The following ADGRL4 variants were observed in gnomAD, a reference collection of about 807,000 sequenced individuals.
ADGRL4 encodes the protein adhesion G protein-coupled receptor L4, also known as EGF, latrophilin and seven transmembrane domain containing 1.
A neutral mutation model predicts 74.8 loss-of-function variants in ADGRL4; 90 were observed. The ratio of observed to expected loss-of-function variants is 1.20; its 90% CI spans 1.02 to 1.43. ADGRL4 has a LOEUF of 1.43. Ranked by LOEUF, ADGRL4 falls within the 40% of genes most tolerant of loss-of-function variation. The pLI is 0.00. For synonymous variants in ADGRL4, 311 were observed against 279.2 expected (o/e 1.11, Z -1.14); for missense variants, 881 against 814.3 (o/e 1.08, Z -1.00).
At chr1:78,923,738 G>A (rs1649049574) in intron 8 of ADGRL4, among the ~76,000 whole-genome samples, 2 of 151,664 alleles carry the variant, frequency 1.3e-5, no homozygotes, top group South Asian at 4.2e-4. Context: ...TGAAAATAAA[G>A]TATAAAGTGA....
At chr1:78,996,211 C>T (rs1650710473) in intron 2 of ADGRL4, among the ~76,000 whole-genome samples, 1 of 152,182 alleles carries the variant, frequency 6.6e-6, no homozygotes, top group Admixed American at 6.5e-5. Context: ...TTTCTGGCTG[C>T]ATGGCATCTA....
chr1:78,964,744 A>T (rs1650020470), intron 2 of ADGRL4, among the ~76,000 whole-genome samples: 1 of 152,146 alleles, frequency 6.6e-6, no homozygotes, highest in South Asian at 2.1e-4. Context: ...GGCAAGGATG[A>T]CAGCCAATTT....
At chr1:78,984,392 A>G (rs1378447202) in intron 2 of ADGRL4, among the ~76,000 whole-genome samples, 1 of 151,758 alleles carries the variant, frequency 6.6e-6, no homozygotes, top group Non-Finnish European at 1.5e-5. Context: ...AACTAAAAGG[A>G]AAGAGATGGA....
At chr1:78,921,504 C>T (rs2100672820) in intron 9 of ADGRL4, 109 bp downstream of exon 9, 1 of 579,320 alleles carries the variant, frequency 1.7e-6, no homozygotes, top group Admixed American at 3.9e-5. Flanking sequence ...ACTAAATGTG[C>T]TATCTAAACC....
At chr1:78,958,664 T>A (rs1649881630) in intron 2 of ADGRL4, among the ~76,000 whole-genome samples, 1 of 152,192 alleles carries the variant, frequency 6.6e-6, no homozygotes, top group African/African-American at 2.4e-5. Flanking sequence ...GTGAAATCTA[T>A]TTCTGGTGAA....
Position 78,936,113 on chromosome 1 carries a change from G to A in ADGRL4, c.877+182C>T, listed in dbSNP as rs866815026. 1.8e-3 allele frequency among the ~76,000 whole-genome samples: 26 copies of A among 14,500 alleles called. 6 individuals are homozygous for A. Among genetic ancestry groups the A allele is most frequent in the Middle Eastern group, 0.33 (2 of 6 alleles). 9.5% of individuals were successfully genotyped at this position (14,500 alleles called of 152,430 possible). A position where few individuals can be genotyped will look rare whatever the true frequency, so the allele number is the denominator to read the frequency against. On this transcript the variant is annotated intron_variant, in intron 7 of 14. Transcript: ENST00000370742. ...CACTCCCGCCTGGGCCACAGAGCGA[G>A]ACTCCGTCTCAAAAAAAAAAAAAAA...
Position 78,926,872 on chromosome 1 carries a change from G to C in ADGRL4, c.1083+14C>G, listed in dbSNP as rs372371545. On this transcript the variant is annotated intron_variant, in intron 8 of 14. Transcript: ENST00000370742. ...TCACAATCATAGCCAATAACTACCA[G>C]AAAAACAGCTTACCTTTCGATGACT... 1 of 1,597,452 alleles carries C rather than the reference G, an allele frequency of 6.3e-7. No individual in the cohort carries two copies.
At chr1:78,891,257 A>G (rs768983718) in intron 14 of ADGRL4, 41 bp from the exon 15 acceptor site, 1 of 1,544,574 alleles carries the variant, frequency 6.5e-7, no homozygotes, top group Non-Finnish European at 8.8e-7. Context: ...GTTAATCATA[A>G]CAATCACATT....
intron 2 of ADGRL4, among the ~76,000 whole-genome samples, chr1:78,970,752 C>T (rs1368770009): frequency 6.6e-6 from 1 of 152,128 alleles, no homozygotes; most frequent in Admixed American, 6.5e-5. Context: ...TCCCTTTCTC[C>T]TCCTCTGTCC....
chr1:78,949,552 A>C (rs1432460730), intron 2 of ADGRL4, among the ~76,000 whole-genome samples: 1 of 152,168 alleles, frequency 6.6e-6, no homozygotes, highest in East Asian at 1.9e-4. Flanking sequence ...GATTGTGGAG[A>C]TAGGCAAGAA....
intron 12 of ADGRL4, among the ~76,000 whole-genome samples, chr1:78,898,972 G>A (rs1409455381): frequency 1.3e-5 from 2 of 152,050 alleles, no homozygotes; most frequent in East Asian, 3.9e-4. Context: ...TCAACCCAAA[G>A]GCTTCAAAAT....
chr1:78,962,155 A>T (rs1436729243), intron 2 of ADGRL4, among the ~76,000 whole-genome samples: 1 of 152,178 alleles, frequency 6.6e-6, no homozygotes. Flanking sequence ...TAATGGGATT[A>T]CAGGCATGAG....
intron 2 of ADGRL4, among the ~76,000 whole-genome samples, chr1:78,947,638 G>A (rs1649631038): frequency 1.3e-5 from 2 of 152,068 alleles, no homozygotes; most frequent in African/African-American, 4.8e-5. Context: ...ACTCAAACTG[G>A]AGAATATAGG....
In ADGRL4 at chr1:78,990,164, C is replaced by T. The variant is rs116185837; in HGVS notation, c.172+14906G>A. Reference sequence around the variant, plus strand: ...CAAAACTATTTTGAAATAAGCAAGCCATTTTTCCCTTCTATGTTTATTATC... The same window carrying T: ...CAAAACTATTTTGAAATAAGCAAGCTATTTTTCCCTTCTATGTTTATTATC... On this transcript the variant is annotated intron_variant, in intron 2 of 14. Transcript: ENST00000370742. Among the ~76,000 whole-genome samples, 399 of 151,978 alleles carry T rather than the reference C, an allele frequency of 2.6e-3. 2 individuals carry two copies. Among genetic ancestry groups the T allele is most frequent in the African/African-American group, 9.2e-3 (382 of 41,528 alleles).
intron 3 of ADGRL4, among the ~76,000 whole-genome samples, chr1:78,944,067 T>C (rs954066821): frequency 6.7e-6 from 1 of 148,986 alleles, no homozygotes; most frequent in Non-Finnish European, 1.5e-5. Flanking sequence ...TTCAGTAATC[T>C]TTGTGTTTTT....
intron 2 of ADGRL4, among the ~76,000 whole-genome samples, chr1:78,997,124 G>A (rs1187991023): frequency 2.0e-5 from 3 of 151,816 alleles, no homozygotes; most frequent in Non-Finnish European, 2.9e-5. Flanking sequence ...TAACCTTTGA[G>A]ATAAAGCACA....
At chr1:78,996,378 A>G (rs1265791879) in intron 2 of ADGRL4, among the ~76,000 whole-genome samples, 1 of 152,218 alleles carries the variant, frequency 6.6e-6, no homozygotes, top group Non-Finnish European at 1.5e-5. Context: ...CATAAAGATT[A>G]TAAAAAACTT....
intron 2 of ADGRL4, among the ~76,000 whole-genome samples, chr1:79,000,583 G>A (rs956151373): frequency 2.6e-5 from 4 of 152,102 alleles, no homozygotes; most frequent in African/African-American, 4.8e-5. Flanking sequence ...ATTGTTGAGT[G>A]GATACTTTTG....
At chr1:78,993,385 T>A (rs944906804) in intron 2 of ADGRL4, among the ~76,000 whole-genome samples, 1 of 152,180 alleles carries the variant, frequency 6.6e-6, no homozygotes, top group Non-Finnish European at 1.5e-5. Context: ...TAAAACCTCA[T>A]CTTAAATAGT....
Sources: allele counts gnomAD v4.1 joint callset (sites outside exome capture counted in the v4.1 genomes callset), GRCh38; gene constraint gnomAD v4.1.1; transcripts MANE v1.5; gene names NCBI Gene and HGNC (gene_info 2026-07-23, HGNC 2026-07-21).